CCDC81: variants seen among roughly 807,000 people sequenced by gnomAD.
CCDC81 encodes the protein coiled-coil domain containing 81, also known as coiled-coil domain-containing protein 81.
In CCDC81, 79 loss-of-function variants were observed where a neutral mutation model predicts 83.7. The observed-to-expected ratio is 0.94, with a 90% CI of 0.79 to 1.14. CCDC81 has a LOEUF of 1.14. Ranked by LOEUF, CCDC81 falls within the 50% of genes most tolerant of loss-of-function variation. The pLI is 0.00. For missense variants in CCDC81, 791 were observed against 778.1 expected (o/e 1.02, Z -0.20); for synonymous variants, 252 against 278.1 (o/e 0.91, Z 0.93).
chr11:86,392,858 G>T, intron 4 of CCDC81, 61 bp downstream of exon 4: 1 of 1,482,682 alleles, frequency 6.7e-7, no homozygotes. Flanking sequence ...CTCATCTATA[G>T]GTGTGTTGTA....
intron 1 of CCDC81, among the ~76,000 whole-genome samples, chr11:86,375,681 A>T (rs764898737): frequency 6.6e-6 from 1 of 152,034 alleles, no homozygotes; most frequent in Non-Finnish European, 1.5e-5. Flanking sequence ...AAATGAGATG[A>T]TCATAAAAAG....
intron 1 of CCDC81, among the ~76,000 whole-genome samples, chr11:86,376,652 A>T (rs1365135556): frequency 1.3e-5 from 2 of 152,238 alleles, no homozygotes; most frequent in East Asian, 3.8e-4. Context: ...TTACAATTCA[A>T]GATGAGATTT....
chr11:86,377,561 G>T (rs1037660413), intron 1 of CCDC81, among the ~76,000 whole-genome samples: 1 of 152,132 alleles, frequency 6.6e-6, no homozygotes, highest in Non-Finnish European at 1.5e-5. Flanking sequence ...ATAATGGGGA[G>T]CACCTTTTAA....
intron 1 of CCDC81, among the ~76,000 whole-genome samples, chr11:86,385,295 G>T (rs1948227015): frequency 6.6e-6 from 1 of 152,154 alleles, no homozygotes; most frequent in Admixed American, 6.5e-5. Context: ...TGAGGCAGGA[G>T]ACTCGTTTGA....
intron 14 of CCDC81, among the ~76,000 whole-genome samples, chr11:86,421,724 C>T (rs1948793719): frequency 6.6e-6 from 1 of 152,130 alleles, no homozygotes. Context: ...TGAGACCAGC[C>T]TGAGCAAACA....
intron 14 of CCDC81, among the ~76,000 whole-genome samples, chr11:86,421,582 T>C (rs1020675576): frequency 2.6e-5 from 4 of 152,130 alleles, no homozygotes; most frequent in Non-Finnish European, 5.9e-5. Flanking sequence ...AGTGCTGGGA[T>C]TACAGGCGTA....
chr11:86,420,054 G>A lies in CCDC81; in HGVS notation c.1817+1G>A, dbSNP rs773774608. On this transcript the variant is annotated splice_donor_variant, in intron 14 of 14. Transcript: ENST00000445632. LOFTEE classifies it high-confidence loss of function. The stretch of plus-strand genomic sequence containing the variant: ...ACCTGGAGGACAAGGCTTTTGAACG[G>A]TAATGCCTGATTGGAACCCCAAAAT... The A allele has an allele frequency of 6.2e-7, 1 of 1,610,170 alleles. No individual in the cohort carries two copies. Among genetic ancestry groups the A allele is most frequent in the South Asian group, 1.1e-5 (1 of 90,490 alleles).
intron 14 of CCDC81, among the ~76,000 whole-genome samples, chr11:86,421,833 G>A (rs150416791): frequency 0.017 from 2,560 of 151,834 alleles, 67 homozygotes; most frequent in African/African-American, 0.055. Flanking sequence ...TGGGAGGATC[G>A]CTGGAGCCCA....
In CCDC81 at chr11:86,387,935, C is replaced by T. The variant is rs532270000; in HGVS notation, c.298+263C>T. Among the ~76,000 whole-genome samples the T allele has an allele frequency of 6.6e-5, 10 of 152,208 alleles. No homozygotes were observed. In the East Asian group the frequency reaches 9.6e-4, roughly 15 times the overall value. On this transcript the variant is annotated intron_variant, in intron 3 of 14. Transcript: ENST00000445632. ...AAGGAAAATTTATGTAAAAGCCACA[C>T]CACAGAGCTGTAAGCCCTTTATTTC...
chr11:86,392,798 G>A lies in CCDC81; in HGVS notation c.555+1G>A, dbSNP rs1948351754. The A allele has an allele frequency of 1.0e-5, 16 of 1,547,096 alleles. No homozygotes were observed. The highest frequency in any genetic ancestry group is 1.4e-5 in the Non-Finnish European group (16 of 1,144,898). On this transcript the variant is annotated splice_donor_variant, in intron 4 of 14. Coordinates refer to ENST00000445632, the MANE Select transcript of CCDC81 (RefSeq NM_001156474.2). LOFTEE classifies it high-confidence loss of function. ...GGCTTTGGCAAAGGCCCTAGCAAATGTAAATTAATATTTTCCTTCTCCTAA... is the reference window on the plus strand; with the variant it reads ...GGCTTTGGCAAAGGCCCTAGCAAATATAAATTAATATTTTCCTTCTCCTAA...
intron 10 of CCDC81, among the ~76,000 whole-genome samples, 180 bp downstream of exon 10, chr11:86,409,545 G>A (rs997659494): frequency 3.3e-5 from 5 of 152,088 alleles, no homozygotes; most frequent in Non-Finnish European, 7.4e-5. Flanking sequence ...TCTGCCTCCC[G>A]GGTTCAAGTC....
chr11:86,381,218 G>T (rs878946673), intron 1 of CCDC81, among the ~76,000 whole-genome samples: 2 of 152,164 alleles, frequency 1.3e-5, no homozygotes, highest in Admixed American at 1.3e-4. Context: ...ACTGGAGTTG[G>T]TCATTTTCCT....
chr11:86,389,333 G>A (rs1172692412), intron 3 of CCDC81, among the ~76,000 whole-genome samples: 1 of 152,094 alleles, frequency 6.6e-6, no homozygotes, highest in Non-Finnish European at 1.5e-5. Context: ...TTGGGGTTAT[G>A]ATTCTTCATC....
Position 86,422,581 on chromosome 11 carries a change from G to T in CCDC81, c.1825G>T (p.Asp609Tyr), listed in dbSNP as rs1471627837. The T allele has an allele frequency of 3.1e-6, 5 of 1,613,490 alleles. No homozygotes were observed. Among genetic ancestry groups the T allele is most frequent in the Non-Finnish European group, 4.2e-6 (5 of 1,179,684 alleles). ...LEDKAFERAS[D>Y]KLFLLDQCEK... is the part of the protein sequence containing the mutation. ...TTGCTCTCCTCTCCTCAGGGCTTCA[G>T]ACAAGCTGTTTCTCCTAGACCAGTG... The change falls in exon 15 of 15, where the codon GAC (aspartate) becomes TAC (tyrosine). Residue 609 changes from aspartate to tyrosine, a missense_variant. Asp to Tyr is a radical substitution (Grantham distance 160). Transcript: ENST00000445632.
Position 86,422,735 on chromosome 11 carries a change from C to G in CCDC81, c.*20C>G, listed in dbSNP as rs1230555365. 1 of 1,606,788 alleles carries G rather than the reference C, an allele frequency of 6.2e-7. No individual in the cohort carries two copies. The highest frequency in any genetic ancestry group is 8.5e-7 in the Non-Finnish European group (1 of 1,175,054). ...GTGTAAAACTCAAAGTTTGGCTCTTCGTTTCCCGGGGAAAGTTTTTATCTT... is the reference window on the plus strand; with the variant it reads ...GTGTAAAACTCAAAGTTTGGCTCTTGGTTTCCCGGGGAAAGTTTTTATCTT... On this transcript the variant is annotated 3_prime_UTR_variant, in exon 15 of 15. Coordinates refer to ENST00000445632, the MANE Select transcript of CCDC81 (RefSeq NM_001156474.2).
intron 2 of CCDC81, 80 bp from the exon 3 acceptor site, chr11:86,387,432 CGTGT>C: frequency 7.5e-7 from 1 of 1,338,104 alleles, no homozygotes; most frequent in Middle Eastern, 2.0e-4. Flanking sequence ...TACTTCTCTT[CGTGT>C]TTTTTAGATA....
chr11:86,418,212 T>A (rs958825271), intron 13 of CCDC81, among the ~76,000 whole-genome samples: 6 of 151,950 alleles, frequency 3.9e-5, no homozygotes, highest in Admixed American at 1.3e-4. Flanking sequence ...TGAAAAAAAA[T>A]AACACGCGTT....
rs548741760 is a variant in CCDC81, at chr11:86,394,763, T to C, written c.556-571T>C. 5.3e-5 allele frequency among the ~76,000 whole-genome samples: 8 copies of C among 152,358 alleles called. No individual in the cohort carries two copies. The South Asian group carries it at 1.5e-3, about 28-fold the overall frequency. ...AGTTAAAATGTGACAATGTGACTAT[T>C]ATGTTTACAGTTACATGAGAATTAA... On this transcript the variant is annotated intron_variant, in intron 4 of 14. Transcript: ENST00000445632.
At chr11:86,387,736 G>A in intron 3 of CCDC81, 64 bp downstream of exon 3, 1 of 1,166,610 alleles carries the variant, frequency 8.6e-7, no homozygotes, top group Non-Finnish European at 1.2e-6. Flanking sequence ...AAAAATGAAA[G>A]GGCAAAGCGT....
Sources: allele counts gnomAD v4.1 joint callset (sites outside exome capture counted in the v4.1 genomes callset), GRCh38; gene constraint gnomAD v4.1.1; transcripts MANE v1.5; gene names NCBI Gene and HGNC (gene_info 2026-07-23, HGNC 2026-07-21).